SP140: variants seen among roughly 807,000 people sequenced by gnomAD.
The protein encoded by SP140 is SP140 nuclear body protein.
SP140 carries 81 observed loss-of-function variants against 125.0 expected under a neutral mutation model. That is an observed-to-expected ratio of 0.65 (90% CI 0.54 to 0.78). SP140 has a LOEUF of 0.78. Ranked by LOEUF, SP140 falls within the 30% of genes least tolerant of loss-of-function variation. The pLI is 0.00. For missense variants in SP140, 858 were observed against 1,037.0 expected, an observed-to-expected ratio of 0.83 and a Z score of 2.37; for synonymous variants, 312 against 354.0, an observed-to-expected ratio of 0.88 and a Z score of 1.33.
intron 22 of SP140, among the ~76,000 whole-genome samples, chr2:230,309,062 A>G (rs1333897338): frequency 6.6e-6 from 1 of 152,232 alleles, no homozygotes; most frequent in Non-Finnish European, 1.5e-5. Flanking sequence ...AAATACCATC[A>G]TATTTTAATT....
At chr2:230,240,280 CA>C (rs1218661207) in intron 3 of SP140, among the ~76,000 whole-genome samples, 2 of 151,464 alleles carry the variant, frequency 1.3e-5, no homozygotes, top group East Asian at 1.9e-4. Context: ...ATACAGGACA[CA>C]AAAAAACATG....
Position 230,284,401 on chromosome 2 carries a change from C to T in SP140, c.1554C>T (p.Ser518=). The T allele has an allele frequency of 6.2e-7, 1 of 1,608,414 alleles. No homozygotes were observed. The highest frequency in any genetic ancestry group is 1.3e-5 in the African/African-American group (1 of 74,664). ...TGAGAATGAGAAGGCAGGAAAACAG[C>T]CAACAAAATGGTAAGCAGGCAAAGT... is the stretch of plus-strand genomic sequence containing the variant. ...SRMRMRRQEN[S]QQNDNSKADG... is the part of the protein sequence containing the mutation. Residue 518 remains serine (S), a synonymous_variant, in exon 16 of 27, where the codon AGC becomes AGT. Transcript: ENST00000392045.
intron 12 of SP140, among the ~76,000 whole-genome samples, chr2:230,267,784 G>A (rs963907972): frequency 6.6e-6 from 1 of 152,184 alleles, no homozygotes; most frequent in African/African-American, 2.4e-5. Flanking sequence ...AACTGAAAAG[G>A]GGACATATGA....
Position 230,204,085 on chromosome 2 carries a change from C to T in SP140, c.-323+806C>T, listed in dbSNP as rs186926773. Among the ~76,000 whole-genome samples the T allele has an allele frequency of 6.6e-5, 10 of 152,182 alleles. No individual in the cohort carries two copies. The East Asian group carries it at 1.5e-3, about 23-fold the overall frequency. On this transcript the variant is annotated intron_variant, in intron 1 of 4. Coordinates refer to the SP140 transcript ENST00000456542. ...ATCATCTGTCACATTTAAAATAAAA[C>T]GATTCTTTTAAAAAACCTGAAAAAT...
At chr2:230,191,715 T>C in the SP140 span, among the ~76,000 whole-genome samples, 1 of 152,150 alleles carries the variant, frequency 6.6e-6, no homozygotes, top group East Asian at 1.9e-4. Context: ...AAAGAGGAGC[T>C]GGTACCATTA....
At position 230,212,936 on chromosome 2, in the gene SP140, T is replaced by G. The variant is rs1440981238; in HGVS notation, c.-322-718T>G. ...GGGGTTGTGGTGGGGGCAGCGCCAG[T>G]GGGGTATGGAGGGAGCTTCCTTCTG... On this transcript the variant is annotated intron_variant, in intron 1 of 4. Transcript: ENST00000456542. 2 of 1,613,874 alleles carry G rather than the reference T, an allele frequency of 1.2e-6. No homozygotes were observed. The highest frequency in any genetic ancestry group is 4.5e-5 in the East Asian group (2 of 44,856).
intron 12 of SP140, among the ~76,000 whole-genome samples, chr2:230,266,702 C>A (rs559686480): frequency 1.3e-5 from 2 of 152,310 alleles, no homozygotes; most frequent in South Asian, 4.1e-4. Flanking sequence ...GGTTGTTGAA[C>A]CGAGGTCACA....
chr2:230,312,542 G>A lies in SP140; in HGVS notation c.2506-44G>A, dbSNP rs747036744. On this transcript the variant is annotated intron_variant, in intron 26 of 26. Transcript: ENST00000392045. ...TCTCAGTTGAAAGGTGTCTCATGAC[G>A]CTAATGATGAGGAGCATTGTTTTTG... The A allele has an allele frequency of 2.7e-5, 35 of 1,316,294 alleles. No individual in the cohort carries two copies. The East Asian group carries it at 2.8e-4, about 11-fold the overall frequency. 81.5% of individuals were successfully genotyped at this position (1,316,294 alleles called of 1,614,324 possible). A position where few individuals can be genotyped will look rare whatever the true frequency, so the allele number is the denominator to read the frequency against.
chr2:230,194,682 C>A, the SP140 span, among the ~76,000 whole-genome samples: 2 of 152,178 alleles, frequency 1.3e-5, no homozygotes, highest in Non-Finnish European at 1.5e-5. Context: ...GACTCCAAAT[C>A]TAATCCAGTT....
chr2:230,279,813 G>A (rs2055259772), intron 15 of SP140, among the ~76,000 whole-genome samples: 3 of 151,906 alleles, frequency 2.0e-5, no homozygotes, highest in African/African-American at 7.3e-5. Flanking sequence ...TTAAAAGATG[G>A]GGCCTCACTG....
At chr2:230,295,435 A>G (rs1199436901) in intron 21 of SP140, among the ~76,000 whole-genome samples, 1 of 152,208 alleles carries the variant, frequency 6.6e-6, no homozygotes, top group African/African-American at 2.4e-5. Flanking sequence ...CAGCATCTCT[A>G]CCTTTCACCG....
In SP140 at chr2:230,310,050, T is replaced by G. The variant is rs768333335; in HGVS notation, c.2174+11T>G. ...TGTGGAAGCTGAGAGGTAAGTGACA[T>G]GCAGGCGTCTCTCTTTTTGTCCTTT... On this transcript the variant is annotated intron_variant, in intron 23 of 26. Transcript: ENST00000392045. 2 of 1,612,710 alleles carry G rather than the reference T, an allele frequency of 1.2e-6. No individual in the cohort carries two copies. The highest frequency in any genetic ancestry group is 1.7e-5 in the Admixed American group (1 of 60,008).
Position 230,292,764 on chromosome 2 carries a change from G to C in SP140, c.1944G>C (p.Gly648=). The change falls in exon 20 of 27, where the codon GGG becomes GGC. Residue 648 remains glycine, a synonymous_variant. Transcript: ENST00000392045. The stretch of plus-strand genomic sequence containing the variant: ...GGAGGCTGAGTGTGCGCTGTGGCGG[G>C]TGGCCCCTACGATGGCTGATGGAGG... The part of the protein sequence containing the change: ...KNWRLSVRCG[G]WPLRWLMENG... 6.2e-7 allele frequency: 1 copy of C among 1,614,160 alleles called. No homozygotes were observed.
chr2:230,200,169 C>T (rs1239767435), upstream of SP140, among the ~76,000 whole-genome samples: 1 of 152,002 alleles, frequency 6.6e-6, no homozygotes, highest in Non-Finnish European at 1.5e-5. Context: ...TTTTTCCTGA[C>T]AATAATTAGA....
intron 3 of SP140, among the ~76,000 whole-genome samples, chr2:230,240,676 A>G (rs2048600622): frequency 6.6e-6 from 1 of 152,246 alleles, no homozygotes; most frequent in Non-Finnish European, 1.5e-5. Flanking sequence ...TGATGAGAAT[A>G]TGGAACAATT....
intron 24 of SP140, 136 bp from the exon 25 acceptor site, chr2:230,311,018 A>G: frequency 2.3e-6 from 3 of 1,303,762 alleles, no homozygotes; most frequent in Non-Finnish European, 3.1e-6. Flanking sequence ...TAACTCAGCC[A>G]TGACATGTCT....
chr2:230,218,842 A>G (rs926099785), intron 3 of SP140, among the ~76,000 whole-genome samples: 2 of 152,222 alleles, frequency 1.3e-5, no homozygotes, highest in African/African-American at 4.8e-5. Context: ...CTAGAAAATA[A>G]AAAAGCAAAA....
chr2:230,261,878 C>T (rs1448450150), intron 12 of SP140, among the ~76,000 whole-genome samples: 4 of 152,122 alleles, frequency 2.6e-5, no homozygotes, highest in Non-Finnish European at 5.9e-5. Context: ...AGGATTTTAG[C>T]ATCTATGTTC....
chr2:230,193,285 G>A, the SP140 span, among the ~76,000 whole-genome samples: 1 of 152,108 alleles, frequency 6.6e-6, no homozygotes, highest in Admixed American at 6.6e-5. Flanking sequence ...CAGATATTTG[G>A]TTTGTGATTT....
Sources: gnomAD v4.1 joint callset for allele counts (sites outside exome capture counted in the v4.1 genomes callset) on GRCh38, gnomAD v4.1.1 for gene constraint, MANE v1.5 for transcripts, NCBI Gene and HGNC (gene_info 2026-07-23, HGNC 2026-07-21) for gene names.